The following CDKAL1 variants were observed in gnomAD, a reference collection of about 807,000 sequenced individuals.
CDKAL1 encodes the protein threonylcarbamoyladenosine tRNA methylthiotransferase.
CDKAL1 carries 32 observed loss-of-function variants against 68.2 expected under a neutral mutation model. The observed-to-expected ratio is 0.47, with a 90% CI of 0.35 to 0.63. CDKAL1 has a LOEUF of 0.63. Ranked by LOEUF, CDKAL1 falls within the 30% of genes least tolerant of loss-of-function variation. CDKAL1 has a pLI of 0.00. For missense variants in CDKAL1, 606 were observed against 696.7 expected, an observed-to-expected ratio of 0.87 and a Z score of 1.47; for synonymous variants, 234 against 244.3, an observed-to-expected ratio of 0.96 and a Z score of 0.39.
chr6:20,974,815 C>CAAA (rs34192233), intron 10 of CDKAL1, among the ~76,000 whole-genome samples: 26 of 139,034 alleles, frequency 1.9e-4, no homozygotes, highest in African/African-American at 3.8e-4. Context: ...CCAGTCTCTG[C>CAAA]AAAAAAAAAA....
chr6:20,779,678 A>C (rs959572336), intron 7 of CDKAL1, among the ~76,000 whole-genome samples: 3 of 152,210 alleles, frequency 2.0e-5, no homozygotes, highest in African/African-American at 4.8e-5. Context: ...TCTGCTGCCC[A>C]GGTTCAAGTG....
At position 20,944,017 on chromosome 6, in the gene CDKAL1, G is replaced by A. The variant is rs146657694; in HGVS notation, c.743-11402G>A. Among the ~76,000 whole-genome samples, 268 of 152,250 alleles carry A rather than the reference G, an allele frequency of 1.8e-3. 2 individuals are homozygous for A. Among genetic ancestry groups the A allele is most frequent in the African/African-American group, 5.8e-3 (243 of 41,554 alleles). ...GCCCTCTTCTGATTTTTGGAGCTCCGTCTCCATAGACAGCCCTCTCCTCTA... is the reference window on the plus strand; with the variant it reads ...GCCCTCTTCTGATTTTTGGAGCTCCATCTCCATAGACAGCCCTCTCCTCTA... On this transcript the variant is annotated intron_variant, in intron 9 of 15. Coordinates refer to ENST00000274695, the MANE Select transcript of CDKAL1 (RefSeq NM_017774.3).
intron 9 of CDKAL1, among the ~76,000 whole-genome samples, chr6:20,920,289 TGTAC>T (rs1474051431): frequency 1.3e-5 from 2 of 152,202 alleles, no homozygotes; most frequent in Non-Finnish European, 2.9e-5. Context: ...GACCTGAAAA[TGTAC>T]GCCTACAAGT....
At chr6:20,902,311 TCACACACA>T (rs71658260) in intron 9 of CDKAL1, among the ~76,000 whole-genome samples, 5 of 8,224 alleles carry the variant, frequency 6.1e-4, no homozygotes, top group Non-Finnish European at 9.7e-4. Flanking sequence ...CGTGGTGGAT[TCACACACA>T]CACACACACA....
intron 7 of CDKAL1, among the ~76,000 whole-genome samples, chr6:20,760,029 T>A (rs1346338601): frequency 6.6e-6 from 1 of 152,186 alleles, no homozygotes; most frequent in Non-Finnish European, 1.5e-5. Context: ...TCATTAATTT[T>A]GAATCATTGC....
intron 8 of CDKAL1, among the ~76,000 whole-genome samples, chr6:20,826,010 G>T (rs1210013523): frequency 6.6e-6 from 1 of 152,054 alleles, no homozygotes; most frequent in Admixed American, 6.6e-5. Flanking sequence ...CCTGAATTTG[G>T]TCCCATCAGG....
At chr6:20,671,803 A>G (rs1413539566) in intron 5 of CDKAL1, among the ~76,000 whole-genome samples, 3 of 151,968 alleles carry the variant, frequency 2.0e-5, no homozygotes, top group South Asian at 2.1e-4. Context: ...CACAGGTGCA[A>G]TAATGGCTTA....
intron 15 of CDKAL1, among the ~76,000 whole-genome samples, chr6:21,211,206 A>C (rs1779135666): frequency 1.3e-5 from 2 of 152,230 alleles, no homozygotes; most frequent in African/African-American, 4.8e-5. Context: ...CTCACTGTGA[A>C]AGGAACCAAC....
chr6:20,734,996 G>A (rs1286519809), intron 5 of CDKAL1, among the ~76,000 whole-genome samples: 2 of 150,936 alleles, frequency 1.3e-5, no homozygotes, highest in African/African-American at 2.4e-5. Context: ...AGCCTCCTGA[G>A]TGGCTGGGAT....
At chr6:20,738,488 T>TTG (rs1561733290) in intron 5 of CDKAL1, among the ~76,000 whole-genome samples, 1 of 142,486 alleles carries the variant, frequency 7.0e-6, no homozygotes, top group African/African-American at 2.8e-5. Context: ...CTTCTTAGTT[T>TTG]TTTTTTTTTT....
chr6:21,044,440 G>A (rs1028012682), intron 11 of CDKAL1, among the ~76,000 whole-genome samples: 3 of 152,160 alleles, frequency 2.0e-5, no homozygotes, highest in Non-Finnish European at 4.4e-5. Context: ...CTGGCTGATA[G>A]CATCACACAC....
chr6:20,823,930 G>A (rs188897736), intron 8 of CDKAL1, among the ~76,000 whole-genome samples: 170 of 152,214 alleles, frequency 1.1e-3, no homozygotes, highest in Non-Finnish European at 1.9e-3. Flanking sequence ...ATACTTCGTG[G>A]CAAAGTTATC....
At chr6:20,902,325 AC>A in intron 9 of CDKAL1, among the ~76,000 whole-genome samples, 1 of 68,638 alleles carries the variant, frequency 1.5e-5, no homozygotes, top group Non-Finnish European at 2.9e-5. Context: ...ACACACACAC[AC>A]ACACACACAC....
At chr6:20,805,544 A>G (rs1379396605) in intron 8 of CDKAL1, among the ~76,000 whole-genome samples, 1 of 152,242 alleles carries the variant, frequency 6.6e-6, no homozygotes, top group East Asian at 1.9e-4. Context: ...ATCAAATTAG[A>G]TGGCAAAGCG....
chr6:21,183,464 T>A (rs1229991937), intron 13 of CDKAL1, among the ~76,000 whole-genome samples: 1 of 152,170 alleles, frequency 6.6e-6, no homozygotes, highest in Non-Finnish European at 1.5e-5. Context: ...TAGTCACATA[T>A]CCGTACAGTG....
At chr6:21,096,586 TCA>T (rs1562028020) in intron 12 of CDKAL1, among the ~76,000 whole-genome samples, 1 of 152,230 alleles carries the variant, frequency 6.6e-6, no homozygotes, top group Admixed American at 6.5e-5. Flanking sequence ...TGTTACTCTC[TCA>T]TAGTTATGTC....
rs549518412 is a variant in CDKAL1, at chr6:20,632,908, C to T, written c.287-16385C>T. Among the ~76,000 whole-genome samples the T allele has an allele frequency of 2.5e-4, 38 of 152,142 alleles. No homozygotes were observed. The South Asian group carries it at 4.2e-3, about 17-fold the overall frequency. ...AGAGAAAGCTTCCTGGGGGAGGTGA[C>T]GTGTACACTGCTCTATGAAAGATGA... On this transcript the variant is annotated intron_variant, in intron 4 of 15. Coordinates refer to ENST00000274695, the MANE Select transcript of CDKAL1 (RefSeq NM_017774.3).
At chr6:20,796,261 C>T (rs1006608877) in intron 8 of CDKAL1, among the ~76,000 whole-genome samples, 4 of 152,040 alleles carry the variant, frequency 2.6e-5, no homozygotes, top group African/African-American at 9.7e-5. Context: ...TATGCAATAG[C>T]TCTAAGAAAA....
chr6:20,626,952 G>C (rs1767458710), intron 4 of CDKAL1, among the ~76,000 whole-genome samples: 1 of 152,164 alleles, frequency 6.6e-6, no homozygotes, highest in African/African-American at 2.4e-5. Context: ...AAGGGAGTTG[G>C]CTTTTCTAGC....
Sources: gnomAD v4.1 joint callset for allele counts (sites outside exome capture counted in the v4.1 genomes callset) on GRCh38, gnomAD v4.1.1 for gene constraint, MANE v1.5 for transcripts, NCBI Gene and HGNC (gene_info 2026-07-23, HGNC 2026-07-21) for gene names.